RIMS2: variants seen among roughly 807,000 people sequenced by gnomAD.
The protein encoded by RIMS2 is regulating synaptic membrane exocytosis 2, also known as regulating synaptic membrane exocytosis protein 2.
RIMS2 carries 59 observed loss-of-function variants against 174.4 expected under a neutral mutation model. The observed-to-expected ratio is 0.34, with a 90% CI of 0.27 to 0.42. The LOEUF (loss-of-function observed/expected upper bound fraction) is 0.42, where lower values mean the gene tolerates loss of function less well. RIMS2 is among the 10% of genes least tolerant of loss of function. RIMS2 has a pLI of 1.00. For missense variants in RIMS2, 1,620 were observed against 1,666.3 expected (o/e 0.97, Z 0.48); for synonymous variants, 606 against 572.5 (o/e 1.06, Z -0.84).
At chr8:104,075,899 G>A (rs2097281156) in intron 19 of RIMS2, among the ~76,000 whole-genome samples, 1 of 152,074 alleles carries the variant, frequency 6.6e-6, no homozygotes, top group African/African-American at 2.4e-5. Flanking sequence ...ACCAAGTATC[G>A]CACACTTTTC....
In RIMS2 at chr8:104,231,894, G is replaced by A. The variant is rs991288769; in HGVS notation, c.3335-13022G>A. Among the ~76,000 whole-genome samples the A allele has an allele frequency of 3.9e-4, 60 of 152,096 alleles. 1 individual carries two copies. The highest frequency in any genetic ancestry group is 1.0e-4 in the Non-Finnish European group (7 of 68,024). On this transcript the variant is annotated intron_variant, in intron 19 of 23. Coordinates refer to ENST00000504942, the Ensembl canonical transcript of RIMS2. Reference sequence around the variant, plus strand: ...CTTCAGTCCCACTAGCCACCTTTCAGGTGTTCAGTAGCTACGTATGACTAG... The same window carrying A: ...CTTCAGTCCCACTAGCCACCTTTCAAGTGTTCAGTAGCTACGTATGACTAG...
At chr8:103,540,011 A>G (rs1299132173) in intron 1 of RIMS2, among the ~76,000 whole-genome samples, 1 of 152,236 alleles carries the variant, frequency 6.6e-6, no homozygotes, top group Non-Finnish European at 1.5e-5. Context: ...CTCTGTGCAC[A>G]TCTGTGTTCC....
chr8:104,047,654 A>G (rs1211829509), intron 19 of RIMS2, among the ~76,000 whole-genome samples: 1 of 152,218 alleles, frequency 6.6e-6, no homozygotes, highest in African/African-American at 2.4e-5. Context: ...ATAAAAATAC[A>G]TGAAAACTGA....
At chr8:104,198,369 C>G (rs1900523) in intron 19 of RIMS2, among the ~76,000 whole-genome samples, 63,739 of 151,988 alleles carry the variant, frequency 0.42, 13,926 homozygotes, top group East Asian at 0.65. Flanking sequence ...ATTTTCACAG[C>G]TCACAAAGTC....
At chr8:104,022,274 C>G (rs2096119519) in intron 19 of RIMS2, among the ~76,000 whole-genome samples, 1 of 152,012 alleles carries the variant, frequency 6.6e-6, no homozygotes, top group African/African-American at 2.4e-5. Flanking sequence ...CTGTTTTTAT[C>G]CTTGCTTTGA....
intron 1 of RIMS2, among the ~76,000 whole-genome samples, chr8:103,613,390 A>G (rs1429186888): frequency 6.6e-6 from 1 of 152,176 alleles, no homozygotes; most frequent in African/African-American, 2.4e-5. Context: ...CTTAACGCCC[A>G]AGGGCTCTTC....
intron 17 of RIMS2, among the ~76,000 whole-genome samples, chr8:103,995,950 A>AG (rs1302700404): frequency 2.0e-5 from 3 of 152,138 alleles, no homozygotes; most frequent in African/African-American, 7.2e-5. Flanking sequence ...GAGGAAATGG[A>AG]GGAGTTAAAT....
intron 19 of RIMS2, among the ~76,000 whole-genome samples, chr8:104,026,549 GA>G (rs1024086436): frequency 6.6e-6 from 1 of 150,596 alleles, no homozygotes; most frequent in Non-Finnish European, 1.5e-5. Flanking sequence ...CAATGAGATG[GA>G]AAAAAAAATT....
intron 16 of RIMS2, among the ~76,000 whole-genome samples, chr8:103,986,193 T>C (rs931278575): frequency 2.0e-5 from 3 of 152,180 alleles, no homozygotes; most frequent in Non-Finnish European, 4.4e-5. Flanking sequence ...ATGTATACCA[T>C]AAATATGTGC....
intron 19 of RIMS2, among the ~76,000 whole-genome samples, chr8:104,208,437 G>A (rs929805587): frequency 1.3e-5 from 2 of 151,704 alleles, no homozygotes; most frequent in African/African-American, 2.4e-5. Flanking sequence ...GCGCAATGGC[G>A]GGCACCTGTA....
chr8:103,816,031 C>T (rs1163469434), intron 3 of RIMS2, among the ~76,000 whole-genome samples: 2 of 152,146 alleles, frequency 1.3e-5, no homozygotes, highest in African/African-American at 2.4e-5. Flanking sequence ...TCTTTCTGTT[C>T]TGACAGAAGT....
intron 2 of RIMS2, among the ~76,000 whole-genome samples, chr8:103,765,628 T>C (rs2098162493): frequency 6.6e-6 from 1 of 152,142 alleles, no homozygotes. Context: ...AGCCATTAGG[T>C]GCTACTTGAA....
intron 3 of RIMS2, among the ~76,000 whole-genome samples, chr8:103,799,602 C>T (rs1156253626): frequency 1.3e-5 from 2 of 152,180 alleles, no homozygotes; most frequent in African/African-American, 4.8e-5. Context: ...TTTCCCATAT[C>T]ATTACTAATA....
intron 1 of RIMS2, among the ~76,000 whole-genome samples, chr8:103,573,796 G>A (rs1188063692): frequency 6.6e-6 from 1 of 151,908 alleles, no homozygotes; most frequent in Non-Finnish European, 1.5e-5. Flanking sequence ...TATTGCTTTG[G>A]GCATTCTGGA....
intron 19 of RIMS2, among the ~76,000 whole-genome samples, chr8:104,084,146 A>G (rs992232647): frequency 1.3e-5 from 2 of 152,154 alleles, no homozygotes; most frequent in African/African-American, 4.8e-5. Flanking sequence ...ACATAATTAT[A>G]AAAACTAACT....
chr8:103,725,530 A>G (rs2097517742), intron 2 of RIMS2, among the ~76,000 whole-genome samples: 1 of 152,166 alleles, frequency 6.6e-6, no homozygotes, highest in Admixed American at 6.5e-5. Context: ...AGATTCATCC[A>G]TGATGTTGCC....
intron 1 of RIMS2, among the ~76,000 whole-genome samples, chr8:103,592,646 T>A (rs1384613677): frequency 6.6e-6 from 1 of 151,442 alleles, no homozygotes; most frequent in Non-Finnish European, 1.5e-5. Flanking sequence ...ACTATTTTCA[T>A]AATCATACTA....
At chr8:103,666,939 A>C (rs889320065) in intron 1 of RIMS2, among the ~76,000 whole-genome samples, 17 of 152,126 alleles carry the variant, frequency 1.1e-4, no homozygotes, top group African/African-American at 4.1e-4. Flanking sequence ...TTCCAGTTGA[A>C]GAGAAACCAT....
intron 19 of RIMS2, among the ~76,000 whole-genome samples, chr8:104,126,484 A>G (rs1268077549): frequency 1.3e-5 from 2 of 152,126 alleles, no homozygotes; most frequent in Non-Finnish European, 2.9e-5. Flanking sequence ...GTCCTCCAAT[A>G]TAGTACAGTA....
Sources: allele counts gnomAD v4.1 joint callset (sites outside exome capture counted in the v4.1 genomes callset), GRCh38; gene constraint gnomAD v4.1.1; transcripts MANE v1.5; gene names NCBI Gene and HGNC (gene_info 2026-07-23, HGNC 2026-07-21).